MINK1: variants seen among roughly 807,000 people sequenced by gnomAD.
MINK1 encodes the protein misshapen-like kinase 1.
Under a neutral mutation model 178.4 loss-of-function variants are expected in MINK1, and 46 were observed. The observed-to-expected ratio is 0.26, with a 90% CI of 0.20 to 0.33. MINK1 has a LOEUF of 0.33. Among genes scored for constraint, MINK1 ranks in the 10% least tolerant of loss-of-function variants. The pLI is 1.00. For synonymous variants in MINK1, 797 were observed against 709.7 expected, an observed-to-expected ratio of 1.12 and a Z score of -1.96; for missense variants, 1,366 against 1,814.9, an observed-to-expected ratio of 0.75 and a Z score of 4.49.
chr17:4,879,408 G>A (rs576033054), intron 2 of MINK1, among the ~76,000 whole-genome samples: 33 of 152,294 alleles, frequency 2.2e-4, no homozygotes, highest in Middle Eastern at 6.8e-3. Context: ...TTCCTGTGTC[G>A]CTGAGACCAC....
chr17:4,839,313 T>A (rs887321243), intron 1 of MINK1, among the ~76,000 whole-genome samples: 2 of 152,308 alleles, frequency 1.3e-5, no homozygotes, highest in East Asian at 3.9e-4. Context: ...ACATTTTTGT[T>A]AAACCTGATT....
chr17:4,834,448 C>T (rs181767701), intron 1 of MINK1, among the ~76,000 whole-genome samples: 9 of 152,248 alleles, frequency 5.9e-5, no homozygotes, highest in Admixed American at 5.9e-4. Flanking sequence ...TTTGGAAAGG[C>T]AGTGGGTGTT....
chr17:4,889,813 G>A (rs1968596414), intron 13 of MINK1, 50 bp downstream of exon 13: 1 of 1,351,268 alleles, frequency 7.4e-7, no homozygotes, highest in African/African-American at 1.6e-5. Flanking sequence ...CGCTCCTGCT[G>A]CCTGCCGCCC....
Position 4,885,890 on chromosome 17 carries a change from T to C in MINK1, c.640-21T>C, listed in dbSNP as rs1384586642. 17 of 1,612,724 alleles carry C rather than the reference T, an allele frequency of 1.1e-5. No homozygotes were observed. Among genetic ancestry groups the C allele is most frequent in the East Asian group, 2.2e-5 (1 of 44,892 alleles). On this transcript the variant is annotated intron_variant, in intron 7 of 31. Coordinates refer to ENST00000355280, the MANE Select transcript of MINK1 (RefSeq NM_153827.5). The surrounding 1 kb of genome is among the most constrained non-coding windows in gnomAD (Gnocchi z 5.0). The stretch of plus-strand genomic sequence containing the variant: ...CAGAGTTGTCAGGAATATTCACTTG[T>C]TCCTTCTTTCCCGTCTATAGAGTGA...
intron 2 of MINK1, 51 bp downstream of exon 2, chr17:4,878,433 G>C (rs1390765989): frequency 5.7e-5 from 85 of 1,483,450 alleles, no homozygotes; most frequent in Non-Finnish European, 7.5e-5. Flanking sequence ...GGGCAGTCTT[G>C]GGAGGAGTGG....
In MINK1 at chr17:4,887,525, A is replaced by G. The variant is rs1320812431; in HGVS notation, c.1020-55A>G. 2 of 1,429,028 alleles carry G rather than the reference A, an allele frequency of 1.4e-6. No individual in the cohort carries two copies. The highest frequency in any genetic ancestry group is 2.9e-5 in the African/African-American group (2 of 69,198). 88.5% of individuals were successfully genotyped at this position (1,429,028 alleles called of 1,614,324 possible). ...ACTCAGGCGGGCCCACGGGGTTGAG[A>G]GTGGGAACCAACAGGGTTCTGACCC... On this transcript the variant is annotated intron_variant, in intron 11 of 31. Transcript: ENST00000355280. This position sits in a 1 kb window ranked among gnomAD's most constrained non-coding sequence, Gnocchi z 7.6.
chr17:4,895,135 C>A lies in MINK1; in HGVS notation c.2978C>A (p.Ser993Tyr), dbSNP rs768419043. 6.8e-6 allele frequency: 11 copies of A among 1,613,950 alleles called. No homozygotes were observed. Among genetic ancestry groups the A allele is most frequent in the Non-Finnish European group, 9.3e-6 (11 of 1,180,010 alleles). ...DQLQYDVRKG[S>Y]VVNVNPTNTR... ...CTGCAGTACGACGTGAGGAAGGGTT[C>A]TGTGGTCAACGTGAATCCCACCAAC... The change falls in exon 25 of 32, where the codon TCT (serine) becomes TAT (tyrosine). Residue 993 changes from serine to tyrosine, a missense_variant. By Grantham distance (144) the Ser-to-Tyr change is moderately radical. Transcript: ENST00000355280. This position sits in a 1 kb window ranked among gnomAD's most constrained non-coding sequence, Gnocchi z 4.3.
rs201088596 is a variant in MINK1 at position 4,852,789 on chromosome 17, GT to G, written c.57+19150del. Among the ~76,000 whole-genome samples the G allele has an allele frequency of 1.6e-3, 13 of 7,920 alleles. 1 individual carries two copies. The highest frequency in any genetic ancestry group is 0.014 in the African/African-American group (13 of 950). The allele number at this position is 7,920 out of a possible 152,430, so 5.2% of individuals were successfully genotyped here. A position where few individuals can be genotyped will look rare whatever the true frequency, so the allele number is the denominator to read the frequency against. On this transcript the variant is annotated intron_variant, in intron 1 of 31. Coordinates refer to ENST00000355280, the MANE Select transcript of MINK1 (RefSeq NM_153827.5). ...ATTTGTGGGGGAGTGTGGTTGATGG[GT>G]GGAGTGTGTTTGGTGGGGGAGTGTG...
Position 4,894,357 on chromosome 17 carries a change from G to T in MINK1, c.2808+46G>T, listed in dbSNP as rs775572672. 5.7e-6 allele frequency: 9 copies of T among 1,591,610 alleles called. No individual in the cohort carries two copies. The highest frequency in any genetic ancestry group is 1.1e-5 in the South Asian group (1 of 87,516). The stretch of plus-strand genomic sequence containing the variant: ...TCCGCCGGGAGAGAAGAGCCCTGGC[G>T]ATGGGCAGGAGGTCCCGGTGCTGGG... On this transcript the variant is annotated intron_variant, in intron 23 of 31. Transcript: ENST00000355280. The surrounding 1 kb of genome is among the most constrained non-coding windows in gnomAD (Gnocchi z 4.1).
chr17:4,834,763 G>A, intron 1 of MINK1: 1 of 520,034 alleles, frequency 1.9e-6, no homozygotes, highest in South Asian at 1.4e-5. Flanking sequence ...GGGAGAGCAG[G>A]ACTTCCCATC....
At position 4,885,779 on chromosome 17, in the gene MINK1, G is replaced by A; in HGVS notation, c.640-132G>A. On this transcript the variant is annotated intron_variant, in intron 7 of 31. Transcript: ENST00000355280. This position sits in a 1 kb window ranked among gnomAD's most constrained non-coding sequence, Gnocchi z 5.0. ...GCAAGTGTGGGTGGGAAGATGGGAT[G>A]GGTTGGAAGGCACTGCTGCAGGAAT... 7.2e-7 allele frequency: 1 copy of A among 1,379,602 alleles called. No homozygotes were observed. The highest frequency in any genetic ancestry group is 2.4e-5 in the East Asian group (1 of 41,200). The allele number at this position is 1,379,602 out of a possible 1,614,324, so 85.5% of individuals were successfully genotyped here.
chr17:4,881,222 A>G lies in MINK1; in HGVS notation c.271A>G (p.Lys91Glu). ...NIATYYGAFI[K>E]KSPPGNDDQL... Reference sequence around the variant, plus strand: ...CGCCACCTACTACGGAGCCTTCATCAAGAAGAGCCCCCCGGGAAACGATGA... The same window carrying G: ...CGCCACCTACTACGGAGCCTTCATCGAGAAGAGCCCCCCGGGAAACGATGA... Residue 91 changes from lysine (K) to glutamate (E), a missense_variant, in exon 4 of 32, where the codon AAG becomes GAG. Physicochemically the swap from Lys to Glu is moderately conservative, Grantham distance 56. Transcript: ENST00000355280. 3 of 1,537,222 alleles carry G rather than the reference A, an allele frequency of 2.0e-6. No individual in the cohort carries two copies. Among genetic ancestry groups the G allele is most frequent in the Non-Finnish European group, 2.6e-6 (3 of 1,146,892 alleles).
Position 4,885,432 on chromosome 17 carries a change from A to G in MINK1, c.509-51A>G. 1 of 1,601,128 alleles carries G rather than the reference A, an allele frequency of 6.2e-7. No individual in the cohort carries two copies. The highest frequency in any genetic ancestry group is 8.5e-7 in the Non-Finnish European group (1 of 1,172,728). On this transcript the variant is annotated intron_variant, in intron 6 of 31. Coordinates refer to ENST00000355280, the MANE Select transcript of MINK1 (RefSeq NM_153827.5). The surrounding 1 kb of genome is among the most constrained non-coding windows in gnomAD (Gnocchi z 5.0). ...TGTGTGCACGCAGGGATGTGAGGCA[A>G]GGGAGCAGAGGTGACTCCCCACACT...
At chr17:4,839,223 G>A (rs1178082270) in intron 1 of MINK1, among the ~76,000 whole-genome samples, 1 of 152,112 alleles carries the variant, frequency 6.6e-6, no homozygotes, top group Non-Finnish European at 1.5e-5. Context: ...GATTACAGGC[G>A]CGAGCCACCG....
intron 1 of MINK1, among the ~76,000 whole-genome samples, chr17:4,873,051 A>AT (rs912877214): frequency 3.3e-5 from 5 of 151,826 alleles, no homozygotes; most frequent in Non-Finnish European, 7.4e-5. Flanking sequence ...AGTCAGTGGG[A>AT]TTTTTTTCAG....
intron 1 of MINK1, chr17:4,860,883 C>T (rs1302149059): frequency 6.3e-6 from 3 of 475,682 alleles, no homozygotes; most frequent in Non-Finnish European, 1.3e-5. Flanking sequence ...GCTTTTGAAG[C>T]TGGGGAAACT....
intron 1 of MINK1, among the ~76,000 whole-genome samples, chr17:4,859,542 C>T (rs1184834519): frequency 6.6e-6 from 1 of 152,058 alleles, no homozygotes. Context: ...AATCCCAGCA[C>T]TTTGGGAGGC....
At chr17:4,865,792 G>T (rs981243233) in intron 1 of MINK1, among the ~76,000 whole-genome samples, 4 of 151,470 alleles carry the variant, frequency 2.6e-5, no homozygotes. Context: ...TTACCTGGTA[G>T]GCTAGGGCAG....
intron 4 of MINK1, among the ~76,000 whole-genome samples, chr17:4,881,987 C>A (rs1967745410): frequency 1.3e-5 from 2 of 152,274 alleles, no homozygotes; most frequent in Admixed American, 6.5e-5. Context: ...ACTTACTAAG[C>A]ACTTCTGTAT....
Sources: gnomAD v4.1 joint callset for allele counts (sites outside exome capture counted in the v4.1 genomes callset) on GRCh38, gnomAD v4.1.1 for gene constraint, Gnocchi (gnomAD v3.1) non-coding constraint, MANE v1.5 for transcripts, NCBI Gene and HGNC (gene_info 2026-07-23, HGNC 2026-07-21) for gene names.